STK3: variants seen among roughly 807,000 people sequenced by gnomAD.
STK3 encodes serine/threonine kinase 3.
Under a neutral mutation model 58.0 loss-of-function variants are expected in STK3, and 41 were observed. That is an observed-to-expected ratio of 0.71 (90% CI 0.55 to 0.92). The LOEUF is 0.92. Ranked by LOEUF, STK3 falls within the 40% of genes least tolerant of loss-of-function variation. STK3 has a pLI of 0.00. For synonymous variants in STK3, 170 were observed against 191.0 expected, an observed-to-expected ratio of 0.89 and a Z score of 0.91; for missense variants, 479 against 602.7, an observed-to-expected ratio of 0.79 and a Z score of 2.15.
intron 8 of STK3, among the ~76,000 whole-genome samples, chr8:98,564,595 A>G (rs1812323304): frequency 6.6e-6 from 1 of 152,164 alleles, no homozygotes; most frequent in Non-Finnish European, 1.5e-5. Context: ...ACAATACTGT[A>G]TATTTCAAAA....
Position 98,825,371 on chromosome 8 carries a change from C to A in STK3, c.26+144G>T, listed in dbSNP as rs912927346. On this transcript the variant is annotated intron_variant, in intron 1 of 10. Transcript: ENST00000419617. ...GCCCGTGGACAGACGCGGCGGGACACTCGGACCCGCCTCCCGACCTCAGCG... is the reference window on the plus strand; with the variant it reads ...GCCCGTGGACAGACGCGGCGGGACAATCGGACCCGCCTCCCGACCTCAGCG... The A allele has an allele frequency of 1.5e-5, 10 of 665,494 alleles. No homozygotes were observed. The African/African-American group carries it at 1.6e-4, about 10-fold the overall frequency. The allele number at this position is 665,494 out of a possible 1,614,324, so 41.2% of individuals were successfully genotyped here.
the STK3 span, among the ~76,000 whole-genome samples, chr8:98,360,245 T>C: frequency 2.0e-5 from 3 of 152,224 alleles, no homozygotes; most frequent in East Asian, 1.9e-4. Flanking sequence ...TCCCCAAAAC[T>C]GGGAGGGACA....
intron 3 of STK3, among the ~76,000 whole-genome samples, chr8:98,407,775 C>T (rs1377473046): frequency 6.7e-6 from 1 of 149,984 alleles, no homozygotes; most frequent in African/African-American, 2.5e-5. Flanking sequence ...CGCGCGCATG[C>T]ATGGTATGAC....
chr8:98,509,497 T>C (rs942808477), intron 10 of STK3, among the ~76,000 whole-genome samples: 3 of 151,948 alleles, frequency 2.0e-5, no homozygotes, highest in African/African-American at 7.2e-5. Context: ...AATGAAAACA[T>C]CCTAATGGAA....
chr8:98,802,478 T>C (rs1409504359), intron 1 of STK3, among the ~76,000 whole-genome samples: 1 of 152,206 alleles, frequency 6.6e-6, no homozygotes, highest in Non-Finnish European at 1.5e-5. Flanking sequence ...GAATATATTA[T>C]GTAAGATTGG....
downstream of STK3, among the ~76,000 whole-genome samples, chr8:98,453,080 G>GTTTTTTTTTTTTT (rs919288019): frequency 2.5e-4 from 10 of 39,676 alleles, no homozygotes; most frequent in African/African-American, 3.3e-4. Context: ...TTTCTTTCTT[G>GTTTTTTTTTTTTT]TTTTTTTTTT....
chr8:98,850,954 G>A lies in STK3; in HGVS notation c.110+32693C>T, dbSNP rs114850227. Among the ~76,000 whole-genome samples, 1,128 of 152,306 alleles carry A rather than the reference G, an allele frequency of 7.4e-3. 13 individuals carry two copies. The highest frequency in any genetic ancestry group is 0.025 in the African/African-American group (1,044 of 41,572). ...GGGTGAGGAACTCAATTATGAAAGTGTGGCAGGTGTGTAACCTTCACATGC... is the reference window on the plus strand; with the variant it reads ...GGGTGAGGAACTCAATTATGAAAGTATGGCAGGTGTGTAACCTTCACATGC... On this transcript the variant is annotated intron_variant, in intron 3 of 12. Transcript: ENST00000523601.
chr8:98,527,947 A>G lies in STK3; in HGVS notation c.1142-1030T>C, dbSNP rs1234678897. ...TTCAAACCTACAGCTCCCCCGACAT[A>G]TTCTATCTCCACTAAAGTCAACCTT... On this transcript the variant is annotated intron_variant, in intron 9 of 10. Coordinates refer to ENST00000419617, the MANE Select transcript of STK3 (RefSeq NM_006281.4). Among the ~76,000 whole-genome samples, 3 of 152,220 alleles carry G rather than the reference A, an allele frequency of 2.0e-5. No homozygotes were observed. The East Asian group carries it at 5.8e-4, about 29-fold the overall frequency.
intron 2 of STK3, among the ~76,000 whole-genome samples, chr8:98,373,320 C>G (rs1370293488): frequency 6.6e-6 from 1 of 152,206 alleles, no homozygotes; most frequent in Admixed American, 6.5e-5. Flanking sequence ...GATCCACATT[C>G]TTTTCCATGT....
At chr8:98,347,291 G>A in the STK3 span, among the ~76,000 whole-genome samples, 1 of 151,894 alleles carries the variant, frequency 6.6e-6, no homozygotes, top group Non-Finnish European at 1.5e-5. Flanking sequence ...GAGGCGGGCG[G>A]ATCACGAGGT....
At chr8:98,646,203 G>A (rs1554641474) in intron 6 of STK3, among the ~76,000 whole-genome samples, 1 of 152,142 alleles carries the variant, frequency 6.6e-6, no homozygotes, top group Non-Finnish European at 1.5e-5. Context: ...CTATTTCATT[G>A]CTAGTGTTAC....
chr8:98,501,219 T>G (rs2131362621), intron 10 of STK3, among the ~76,000 whole-genome samples: 1 of 152,286 alleles, frequency 6.6e-6, no homozygotes, highest in African/African-American at 2.4e-5. Flanking sequence ...TTTTGAGAAG[T>G]GTCTGTTCAT....
intron 1 of STK3, among the ~76,000 whole-genome samples, chr8:98,804,896 T>C (rs1188098028): frequency 6.6e-6 from 1 of 152,228 alleles, no homozygotes; most frequent in Non-Finnish European, 1.5e-5. Flanking sequence ...TGCTAAATTA[T>C]GGTGGTTATG....
intron 1 of STK3, among the ~76,000 whole-genome samples, chr8:98,809,382 G>A (rs1012462396): frequency 7.2e-5 from 11 of 152,198 alleles, no homozygotes; most frequent in Non-Finnish European, 1.5e-4. Flanking sequence ...TAAATGCTAG[G>A]ACAGAGAACT....
intron 6 of STK3, among the ~76,000 whole-genome samples, chr8:98,612,650 AG>A (rs1420113637): frequency 3.3e-5 from 5 of 152,070 alleles, no homozygotes; most frequent in African/African-American, 1.2e-4. Context: ...CAAACAAAAA[AG>A]CTCCGACAAA....
intron 10 of STK3, among the ~76,000 whole-genome samples, chr8:98,498,702 T>C (rs1000298975): frequency 3.3e-5 from 5 of 152,174 alleles, no homozygotes; most frequent in African/African-American, 1.2e-4. Context: ...AACCAGCTGA[T>C]CCCTCTTTTT....
At chr8:98,753,488 G>A (rs1024167306) in intron 3 of STK3, among the ~76,000 whole-genome samples, 3 of 152,166 alleles carry the variant, frequency 2.0e-5, no homozygotes, top group South Asian at 2.1e-4. Flanking sequence ...AAGGTGGAAG[G>A]AGGGAGAGGA....
At chr8:98,577,577 G>A (rs1813512733) in intron 8 of STK3, among the ~76,000 whole-genome samples, 1 of 152,104 alleles carries the variant, frequency 6.6e-6, no homozygotes, top group Non-Finnish European at 1.5e-5. Context: ...GACAGTGAGA[G>A]GTCCTCTTTG....
chr8:98,521,889 T>C (rs1825391211), intron 10 of STK3, among the ~76,000 whole-genome samples: 1 of 152,174 alleles, frequency 6.6e-6, no homozygotes, highest in Non-Finnish European at 1.5e-5. Flanking sequence ...CTTCATCAAA[T>C]CTCCCTCTTA....
Sources: gnomAD v4.1 joint callset for allele counts (sites outside exome capture counted in the v4.1 genomes callset) on GRCh38, gnomAD v4.1.1 for gene constraint, MANE v1.5 for transcripts, NCBI Gene and HGNC (gene_info 2026-07-23, HGNC 2026-07-21) for gene names.